Variants in KCNB2 observed in about 807,000 individuals in gnomAD.
KCNB2 encodes potassium voltage-gated channel subfamily B member 2, also known as delayed rectifier potassium channel protein.
KCNB2 carries 15 observed loss-of-function variants against 61.5 expected under a neutral mutation model. That is an observed-to-expected ratio of 0.24 (90% CI 0.16 to 0.38). The LOEUF (loss-of-function observed/expected upper bound fraction) is 0.38, where lower values mean the gene tolerates loss of function less well. KCNB2 is among the 10% of genes least tolerant of loss of function. The pLI, the probability that KCNB2 is intolerant of heterozygous loss-of-function variation, is 1.00. For synonymous variants in KCNB2, 457 were observed against 446.0 expected (o/e 1.02, Z -0.31); for missense variants, 828 against 1,125.2 (o/e 0.74, Z 3.78).
At chr8:72,885,165 A>G (rs774534995) in intron 2 of KCNB2, among the ~76,000 whole-genome samples, 3 of 152,206 alleles carry the variant, frequency 2.0e-5, no homozygotes, top group East Asian at 1.9e-4. Context: ...AAAATATTAA[A>G]CTATGCTTGC....
intron 2 of KCNB2, among the ~76,000 whole-genome samples, chr8:72,836,221 C>A (rs1465808798): frequency 1.3e-5 from 2 of 152,210 alleles, no homozygotes; most frequent in East Asian, 3.9e-4. Context: ...GTTCCCATCA[C>A]AGCTATAACT....
chr8:72,595,582 C>T (rs1212299319), intron 2 of KCNB2, among the ~76,000 whole-genome samples: 1 of 152,100 alleles, frequency 6.6e-6, no homozygotes, highest in East Asian at 1.9e-4. Flanking sequence ...CGTCGGCCTC[C>T]CAAAGTGCTG....
rs949720957 is a variant in KCNB2, at chr8:72,931,457, G to A, written c.580-4478G>A. Among the ~76,000 whole-genome samples, 9 of 152,084 alleles carry A rather than the reference G, an allele frequency of 5.9e-5. 1 individual carries two copies. The South Asian group carries it at 8.3e-4, about 14-fold the overall frequency. ...ATGGAATGTTCTTCCATTTGTTTGT[G>A]TCCTCTTTTATTTTATTGAGCAGTG... On this transcript the variant is annotated intron_variant, in intron 2 of 2. Coordinates refer to ENST00000523207, the MANE Select transcript of KCNB2 (RefSeq NM_004770.3).
chr8:72,831,347 T>C (rs1245319842), intron 2 of KCNB2, among the ~76,000 whole-genome samples: 1 of 152,224 alleles, frequency 6.6e-6, no homozygotes, highest in East Asian at 1.9e-4. Flanking sequence ...GAAACTAAAA[T>C]GAATGCCTTA....
At chr8:72,626,252 G>A (rs1422900237) in intron 2 of KCNB2, among the ~76,000 whole-genome samples, 2 of 152,122 alleles carry the variant, frequency 1.3e-5, no homozygotes, top group Non-Finnish European at 2.9e-5. Flanking sequence ...GAATACACAG[G>A]CCACAGTCCA....
chr8:72,594,744 C>A (rs1807159680), intron 2 of KCNB2, among the ~76,000 whole-genome samples: 9 of 152,106 alleles, frequency 5.9e-5, no homozygotes, highest in Admixed American at 5.9e-4. Flanking sequence ...TCATCCCTGC[C>A]CTACATGTTA....
At chr8:72,751,168 T>C (rs62518138) in intron 2 of KCNB2, 21,573 of 151,958 alleles carry the variant, frequency 0.14, 1,851 homozygotes, top group South Asian at 0.31. Context: ...CAGACAAGAG[T>C]TGGAGACTTA....
intron 2 of KCNB2, among the ~76,000 whole-genome samples, chr8:72,578,639 A>T (rs1210994980): frequency 6.6e-6 from 1 of 152,244 alleles, no homozygotes; most frequent in African/African-American, 2.4e-5. Flanking sequence ...CTAGTCACAC[A>T]CACCTTTTAA....
At chr8:72,561,786 T>C (rs1231699760) in intron 1 of KCNB2, among the ~76,000 whole-genome samples, 1 of 75,646 alleles carries the variant, frequency 1.3e-5, no homozygotes, top group African/African-American at 8.4e-5. Flanking sequence ...TGGATATATA[T>C]ATACATATAT....
intron 2 of KCNB2, among the ~76,000 whole-genome samples, chr8:72,932,676 A>G (rs1216267227): frequency 3.9e-5 from 6 of 152,168 alleles, no homozygotes; most frequent in Non-Finnish European, 5.9e-5. Context: ...TTTAGTATAT[A>G]AGTTAACCAC....
At chr8:72,803,978 A>G (rs1222362998) in intron 2 of KCNB2, among the ~76,000 whole-genome samples, 1 of 152,198 alleles carries the variant, frequency 6.6e-6, no homozygotes, top group East Asian at 1.9e-4. Flanking sequence ...GGTGTGTTCC[A>G]GAAAAGAAAG....
At chr8:72,771,351 TCC>T (rs1808556225) in intron 2 of KCNB2, among the ~76,000 whole-genome samples, 1 of 152,228 alleles carries the variant, frequency 6.6e-6, no homozygotes, top group African/African-American at 2.4e-5. Flanking sequence ...TAAAGTGATT[TCC>T]TTTTTATATA....
At chr8:72,573,139 T>C (rs1419562425) in intron 2 of KCNB2, among the ~76,000 whole-genome samples, 1 of 151,206 alleles carries the variant, frequency 6.6e-6, no homozygotes, top group Admixed American at 6.6e-5. Flanking sequence ...AATTAGAGTG[T>C]AGGCCTTTCA....
At chr8:72,556,293 C>T (rs1806425225) in intron 1 of KCNB2, among the ~76,000 whole-genome samples, 2 of 151,998 alleles carry the variant, frequency 1.3e-5, no homozygotes, top group Admixed American at 1.3e-4. Flanking sequence ...GTCATCTTGC[C>T]CATCTGCCTT....
intron 2 of KCNB2, among the ~76,000 whole-genome samples, chr8:72,912,246 G>C (rs1563421840): frequency 6.6e-6 from 1 of 152,070 alleles, no homozygotes. Flanking sequence ...ACATGGAAAG[G>C]GGTTTCCTGT....
intron 2 of KCNB2, among the ~76,000 whole-genome samples, chr8:72,650,900 A>G (rs1563549041): frequency 6.6e-6 from 1 of 152,168 alleles, no homozygotes; most frequent in Non-Finnish European, 1.5e-5. Flanking sequence ...CTTCCCATAC[A>G]GACTTGTATT....
chr8:72,851,848 A>AAAAAAAAAAAAAAAAAAG (rs869038932), intron 2 of KCNB2, among the ~76,000 whole-genome samples: 1 of 145,626 alleles, frequency 6.9e-6, no homozygotes, highest in Non-Finnish European at 1.5e-5. Context: ...AAAAAAAAAA[A>AAAAAAAAAAAAAAAAAAG]CACGTACTGC....
At chr8:72,830,638 A>T (rs569416095) in intron 2 of KCNB2, among the ~76,000 whole-genome samples, 8 of 152,300 alleles carry the variant, frequency 5.3e-5, no homozygotes. Context: ...TTCATGGTTT[A>T]TGGAATGCTT....
chr8:72,843,838 G>C (rs1016417817), intron 2 of KCNB2, among the ~76,000 whole-genome samples: 1 of 152,038 alleles, frequency 6.6e-6, no homozygotes, highest in Non-Finnish European at 1.5e-5. Context: ...GTCTTTGAAC[G>C]TGAGATGGGT....
Sources: allele counts gnomAD v4.1 joint callset (sites outside exome capture counted in the v4.1 genomes callset), GRCh38; gene constraint gnomAD v4.1.1; transcripts MANE v1.5; gene names NCBI Gene and HGNC (gene_info 2026-07-23, HGNC 2026-07-21).